Variants in DAB1 observed in about 807,000 individuals in gnomAD.
The protein encoded by DAB1 is disabled homolog 1.
Under a neutral mutation model 64.6 loss-of-function variants are expected in DAB1, and 15 were observed. The ratio of observed to expected loss-of-function variants is 0.23; its 90% CI spans 0.16 to 0.36. The LOEUF (loss-of-function observed/expected upper bound fraction) is 0.36, where lower values mean the gene tolerates loss of function less well. Ranked by LOEUF, DAB1 falls within the 10% of genes least tolerant of loss-of-function variation. The probability of loss-of-function intolerance (pLI) is 1.00; values close to 1 mark genes in which losing one functional copy is unlikely to be tolerated. For missense variants in DAB1, 596 were observed against 706.7 expected (o/e 0.84, Z 1.78); for synonymous variants, 235 against 251.9 (o/e 0.93, Z 0.64).
At chr1:58,029,447 G>A (rs775369769) in intron 5 of DAB1, among the ~76,000 whole-genome samples, 2 of 152,162 alleles carry the variant, frequency 1.3e-5, no homozygotes, top group African/African-American at 2.4e-5. Flanking sequence ...CCAGCAGTGC[G>A]GATATTGACG....
chr1:57,464,284 GTC>G (rs1686884823), intron 7 of DAB1, among the ~76,000 whole-genome samples: 1 of 152,056 alleles, frequency 6.6e-6, no homozygotes, highest in South Asian at 2.1e-4. Flanking sequence ...TTATAGGATG[GTC>G]TCTCTGCTTA....
intron 9 of DAB1, among the ~76,000 whole-genome samples, chr1:57,049,450 C>CAAAAAAAAAAAAAAAAAAAAA (rs574438911): frequency 8.1e-5 from 2 of 24,586 alleles, no homozygotes; most frequent in African/African-American, 1.5e-4. Context: ...GACTCCGTCT[C>CAAAAAAAAAAAAAAAAAAAAA]AAAAAAAAAA....
intron 5 of DAB1, among the ~76,000 whole-genome samples, chr1:58,019,111 G>A (rs1646781851): frequency 6.6e-6 from 1 of 152,188 alleles, no homozygotes; most frequent in African/African-American, 2.4e-5. Flanking sequence ...GCCCAGATAT[G>A]ATGATCTCTA....
intron 6 of DAB1, among the ~76,000 whole-genome samples, chr1:57,803,948 G>GA (rs1651246045): frequency 1.3e-5 from 2 of 152,122 alleles, no homozygotes; most frequent in Non-Finnish European, 2.9e-5. Context: ...GATTATATCA[G>GA]AATGTGCTGC....
At chr1:57,748,189 C>A (rs185958522) in intron 6 of DAB1, among the ~76,000 whole-genome samples, 1 of 152,286 alleles carries the variant, frequency 6.6e-6, no homozygotes, top group East Asian at 1.9e-4. Context: ...TAAAATATGT[C>A]CTCTGGGCAA....
intron 6 of DAB1, among the ~76,000 whole-genome samples, chr1:57,783,511 A>G (rs1188091591): frequency 6.6e-6 from 1 of 152,164 alleles, no homozygotes; most frequent in Non-Finnish European, 1.5e-5. Flanking sequence ...ATTGTCCAGT[A>G]GGTATTTTAT....
At chr1:57,237,432 G>T (rs905644463) in intron 2 of DAB1, among the ~76,000 whole-genome samples, 1 of 152,174 alleles carries the variant, frequency 6.6e-6, no homozygotes, top group African/African-American at 2.4e-5. Context: ...TCATCCAAAA[G>T]AATTTGTTTA....
intron 7 of DAB1, among the ~76,000 whole-genome samples, chr1:57,575,524 G>A (rs1314488796): frequency 6.6e-6 from 1 of 152,168 alleles, no homozygotes; most frequent in Non-Finnish European, 1.5e-5. Context: ...GTCACATGAT[G>A]TAGAAAATGC....
intron 5 of DAB1, among the ~76,000 whole-genome samples, chr1:57,926,671 T>C (rs1278037388): frequency 1.3e-5 from 2 of 152,180 alleles, no homozygotes; most frequent in South Asian, 2.1e-4. Context: ...ACTTTGCAAA[T>C]AGCAAAGCCA....
intron 4 of DAB1, among the ~76,000 whole-genome samples, chr1:58,283,420 C>T (rs1284686579): frequency 1.3e-5 from 2 of 152,084 alleles, no homozygotes; most frequent in African/African-American, 2.4e-5. Context: ...GTCTCTGTCC[C>T]CATAGCTTTC....
At chr1:58,383,039 G>A (rs1036550577) in intron 3 of DAB1, among the ~76,000 whole-genome samples, 3 of 152,182 alleles carry the variant, frequency 2.0e-5, no homozygotes, top group Non-Finnish European at 4.4e-5. Context: ...CAAGGGACAC[G>A]TAGCAAAGAG....
chr1:58,009,949 C>A (rs1201804709), intron 5 of DAB1, among the ~76,000 whole-genome samples: 1 of 152,128 alleles, frequency 6.6e-6, no homozygotes, highest in Non-Finnish European at 1.5e-5. Context: ...TTTTAACTTA[C>A]ATAACAACCC....
chr1:57,992,987 A>T (rs1302662469), intron 5 of DAB1, among the ~76,000 whole-genome samples: 1 of 152,176 alleles, frequency 6.6e-6, no homozygotes, highest in Non-Finnish European at 1.5e-5. Flanking sequence ...ACAGCTATGT[A>T]AATCTCAGTA....
intron 2 of DAB1, among the ~76,000 whole-genome samples, chr1:57,210,533 G>A (rs1665919585): frequency 6.6e-6 from 1 of 152,108 alleles, no homozygotes; most frequent in African/African-American, 2.4e-5. Flanking sequence ...GTGTCTCCTA[G>A]ACTGCTGAGT....
At position 58,119,423 on chromosome 1, in the gene DAB1, A is replaced by G. The variant is rs184260093; in HGVS notation, n.387+31088T>C. Among the ~76,000 whole-genome samples the G allele has an allele frequency of 5.1e-4, 77 of 152,314 alleles. No individual in the cohort carries two copies. The East Asian group carries it at 0.012, about 24-fold the overall frequency. On this transcript the variant is annotated intron_variant and non_coding_transcript_variant, in intron 5 of 20. Coordinates refer to the DAB1 transcript ENST00000485760. The stretch of plus-strand genomic sequence containing the variant: ...GTATTTAATTGTGGGTGCTGCCCCA[A>G]GCCCAGCAGGGGGTATTATGTAATA...
At chr1:58,405,185 T>C (rs1644604169) in intron 3 of DAB1, among the ~76,000 whole-genome samples, 1 of 152,148 alleles carries the variant, frequency 6.6e-6, no homozygotes, top group Non-Finnish European at 1.5e-5. Context: ...TTCCTCTGCC[T>C]GGAATACTCT....
intron 7 of DAB1, among the ~76,000 whole-genome samples, chr1:57,562,157 G>C (rs929033582): frequency 1.3e-5 from 2 of 152,218 alleles, no homozygotes; most frequent in Admixed American, 6.5e-5. Flanking sequence ...TGGACTACCT[G>C]AGTTCAGGAG....
At chr1:58,247,303 T>C (rs1439463116) in intron 4 of DAB1, among the ~76,000 whole-genome samples, 1 of 148,286 alleles carries the variant, frequency 6.7e-6, no homozygotes, top group Non-Finnish European at 1.5e-5. Flanking sequence ...TACATGACTG[T>C]AGAAGTTGTC....
rs1438329336 is a variant in DAB1 at position 57,836,044 on chromosome 1, T to C, written n.88-9589A>G. Reference sequence around the variant, plus strand: ...TTAAAACCCAACTCAAGGCCAGTCATACTTCATGGACAAGTTCAACCCCAT... The same window carrying C: ...TTAAAACCCAACTCAAGGCCAGTCACACTTCATGGACAAGTTCAACCCCAT... On this transcript the variant is annotated intron_variant and non_coding_transcript_variant, in intron 1 of 1. Coordinates refer to the DAB1 transcript ENST00000477280. Among the ~76,000 whole-genome samples the C allele has an allele frequency of 2.0e-5, 3 of 152,184 alleles. 1 individual carries two copies. In the East Asian group the frequency reaches 5.8e-4, roughly 29 times the overall value.
Sources: allele counts gnomAD v4.1 joint callset (sites outside exome capture counted in the v4.1 genomes callset), GRCh38; gene constraint gnomAD v4.1.1; transcripts MANE v1.5; gene names NCBI Gene and HGNC (gene_info 2026-07-23, HGNC 2026-07-21).